RRM2B: variants seen among roughly 807,000 people sequenced by gnomAD.
RRM2B encodes the protein ribonucleotide reductase regulatory TP53 inducible subunit M2B, also known as ribonucleoside-diphosphate reductase subunit M2 B.
A neutral mutation model predicts 45.9 loss-of-function variants in RRM2B; 20 were observed. The ratio of observed to expected loss-of-function variants is 0.44; its 90% confidence interval spans 0.31 to 0.63. The LOEUF is 0.63. RRM2B is among the 30% of genes least tolerant of loss of function. The probability of loss-of-function intolerance (pLI) is 0.09; values close to 1 mark genes in which losing one functional copy is unlikely to be tolerated. For missense variants in RRM2B, 320 were observed against 414.7 expected (o/e 0.77, Z 1.98); for synonymous variants, 124 against 132.3 (o/e 0.94, Z 0.43).
chr8:102,220,842 A>C (rs767039430), intron 5 of RRM2B, among the ~76,000 whole-genome samples: 3 of 152,240 alleles, frequency 2.0e-5, no homozygotes, highest in Admixed American at 1.3e-4. Flanking sequence ...TTAAAGGATT[A>C]TAAGTGGTAC....
At chr8:102,217,006 A>G (rs1810741289) in intron 6 of RRM2B, among the ~76,000 whole-genome samples, 1 of 152,108 alleles carries the variant, frequency 6.6e-6, no homozygotes, top group African/African-American at 2.4e-5. Flanking sequence ...GCTTAGGAAA[A>G]TAATATAAAG....
chr8:102,208,005 GT>G lies in RRM2B; in HGVS notation c.*127del. On this transcript the variant is annotated 3_prime_UTR_variant, in exon 9 of 9. Transcript: ENST00000251810. ...TATAAATGCAAATTGTTTAGAATAG[GT>G]TTTGGATTTCCTTTTGAGCAAACCC... The G allele has an allele frequency of 1.4e-6, 1 of 722,162 alleles. No homozygotes were observed. The highest frequency in any genetic ancestry group is 2.4e-6 in the Non-Finnish European group (1 of 424,046). The allele number at this position is 722,162 out of a possible 1,614,324, so 44.7% of individuals were successfully genotyped here.
At chr8:102,238,517 G>A (rs1587191417) in intron 1 of RRM2B, 4 of 1,433,854 alleles carry the variant, frequency 2.8e-6, no homozygotes, top group Non-Finnish European at 3.7e-6. Context: ...GGGAAGGAGG[G>A]TGGGAGAGCG....
intron 1 of RRM2B, among the ~76,000 whole-genome samples, chr8:102,233,152 C>T (rs1231055208): frequency 2.0e-5 from 3 of 152,198 alleles, no homozygotes; most frequent in African/African-American, 7.2e-5. Context: ...CTTCTAGACT[C>T]CTATCCAAAA....
Position 102,206,032 on chromosome 8 carries a change from T to C in RRM2B, c.*2101A>G, listed in dbSNP as rs1240508772. On this transcript the variant is annotated 3_prime_UTR_variant, in exon 9 of 9. Coordinates refer to ENST00000251810, the MANE Select transcript of RRM2B (RefSeq NM_015713.5). ...TTTTTTTTCTTTCATTCTGATGTCA[T>C]TACAGATATTATCAGTTTTAAATGT... 2.0e-5 allele frequency: 3 copies of C among 152,116 alleles called. No homozygotes were observed. The highest frequency in any genetic ancestry group is 4.4e-5 in the Non-Finnish European group (3 of 67,974). 9.4% of individuals were successfully genotyped at this position (152,116 alleles called of 1,614,324 possible). A position where few individuals can be genotyped will look rare whatever the true frequency, so the allele number is the denominator to read the frequency against.
chr8:102,218,275 G>T (rs960195695), intron 6 of RRM2B, among the ~76,000 whole-genome samples: 1 of 152,150 alleles, frequency 6.6e-6, no homozygotes. Flanking sequence ...GGGAACCTAG[G>T]AGGACACTGA....
intron 6 of RRM2B, among the ~76,000 whole-genome samples, chr8:102,215,560 T>G (rs1192539153): frequency 6.6e-6 from 1 of 152,074 alleles, no homozygotes; most frequent in East Asian, 1.9e-4. Context: ...TTTAAAAGGC[T>G]TTAGAGCAGA....
At chr8:102,225,134 G>A in intron 3 of RRM2B, 116 bp from the exon 4 acceptor site, 1 of 961,604 alleles carries the variant, frequency 1.0e-6, no homozygotes, top group Non-Finnish European at 1.6e-6. Context: ...GTAACAAACA[G>A]GTCAGAAAGA....
rs1475827725 is a variant in RRM2B, at chr8:102,238,623, A to C, written c.48+204T>G. ...CGGGGCAGAGCAGCGAGCGGGACGC[A>C]AACCCAAAGTCAGCTCCTTCCTCCG... On this transcript the variant is annotated intron_variant, in intron 1 of 8. Transcript: ENST00000251810. 4 of 1,531,504 alleles carry C rather than the reference A, an allele frequency of 2.6e-6. No individual in the cohort carries two copies. The East Asian group carries it at 9.8e-5, about 38-fold the overall frequency. The allele number at this position is 1,531,504 out of a possible 1,614,324, so 94.9% of individuals were successfully genotyped here.
chr8:102,236,993 T>C (rs1206507334), intron 1 of RRM2B, among the ~76,000 whole-genome samples: 1 of 150,594 alleles, frequency 6.6e-6, no homozygotes, highest in Admixed American at 6.6e-5. Context: ...ATGTCTCTTC[T>C]ACTTCTGTAA....
intron 5 of RRM2B, among the ~76,000 whole-genome samples, chr8:102,222,805 T>G (rs1345713866): frequency 6.6e-6 from 1 of 152,132 alleles, no homozygotes; most frequent in African/African-American, 2.4e-5. Flanking sequence ...TTACAGAAAT[T>G]TAAAAGCATG....
At chr8:102,210,114 C>T (rs1810610460) in intron 8 of RRM2B, among the ~76,000 whole-genome samples, 1 of 152,206 alleles carries the variant, frequency 6.6e-6, no homozygotes. Flanking sequence ...TCTGTGACTA[C>T]ACTAAAAACT....
At chr8:102,232,343 C>A (rs1811047417) in intron 1 of RRM2B, 39 bp from the exon 2 acceptor site, 7 of 1,594,172 alleles carry the variant, frequency 4.4e-6, no homozygotes, top group Non-Finnish European at 6.0e-6. Context: ...TTTATATAGA[C>A]ATTTCTTCTT....
chr8:102,218,528 G>T (rs1267353842), intron 6 of RRM2B, among the ~76,000 whole-genome samples: 4 of 151,974 alleles, frequency 2.6e-5, no homozygotes, highest in Non-Finnish European at 5.9e-5. Context: ...GACCAGCCTG[G>T]GCAACGTGGT....
intron 5 of RRM2B, among the ~76,000 whole-genome samples, chr8:102,222,803 A>G (rs1191531823): frequency 6.6e-6 from 1 of 152,156 alleles, no homozygotes; most frequent in Admixed American, 6.6e-5. Flanking sequence ...AGTTACAGAA[A>G]TTTAAAAGCA....
At chr8:102,211,950 T>TA (rs1810642719) in intron 8 of RRM2B, among the ~76,000 whole-genome samples, 1 of 152,196 alleles carries the variant, frequency 6.6e-6, no homozygotes, top group Non-Finnish European at 1.5e-5. Flanking sequence ...ATAGATTTCA[T>TA]AAGGATTCTC....
intron 1 of RRM2B, among the ~76,000 whole-genome samples, chr8:102,233,316 G>T (rs1811065750): frequency 6.6e-6 from 1 of 152,180 alleles, no homozygotes; most frequent in African/African-American, 2.4e-5. Context: ...AAATACAGGG[G>T]GGCTTGCGTG....
intron 7 of RRM2B, 37 bp from the exon 8 acceptor site, chr8:102,212,926 A>C: frequency 9.8e-7 from 1 of 1,018,878 alleles, no homozygotes; most frequent in Non-Finnish European, 1.6e-6. Flanking sequence ...AGTACAAACA[A>C]AACTATAAAT....
chr8:102,215,045 T>TAAAAAAAAAAAAAAAAAAAAA (rs3063793), intron 6 of RRM2B, among the ~76,000 whole-genome samples: 1 of 61,778 alleles, frequency 1.6e-5, no homozygotes, highest in African/African-American at 6.8e-5. Flanking sequence ...AGCTAAATAT[T>TAAAAAAAAAAAAAAAAAAAAA]AAAAAAAAAA....
Sources: allele counts gnomAD v4.1 joint callset (sites outside exome capture counted in the v4.1 genomes callset), GRCh38; gene constraint gnomAD v4.1.1; transcripts MANE v1.5; gene names NCBI Gene and HGNC (gene_info 2026-07-23, HGNC 2026-07-21).